ZNRF3: variants seen among roughly 807,000 people sequenced by gnomAD.
The protein encoded by ZNRF3 is zinc and ring finger 3, also known as E3 ubiquitin-protein ligase ZNRF3.
A neutral mutation model predicts 72.5 loss-of-function variants in ZNRF3; 23 were observed. The ratio of observed to expected loss-of-function variants is 0.32; its 90% confidence interval spans 0.23 to 0.45. The LOEUF is 0.45. Ranked by LOEUF, ZNRF3 falls within the 20% of genes least tolerant of loss-of-function variation. The pLI is 1.00. For synonymous variants in ZNRF3, 610 were observed against 545.3 expected (o/e 1.12, Z -1.65); for missense variants, 1,169 against 1,272.1 (o/e 0.92, Z 1.23).
At chr22:28,921,079 G>A (rs2034503667) in intron 1 of ZNRF3, among the ~76,000 whole-genome samples, 1 of 152,208 alleles carries the variant, frequency 6.6e-6, no homozygotes. Context: ...GAGTAGGAGG[G>A]CTGTCATTTG....
intron 1 of ZNRF3, among the ~76,000 whole-genome samples, chr22:28,927,928 G>A (rs540182926): frequency 1.1e-4 from 17 of 152,314 alleles, no homozygotes; most frequent in South Asian, 4.1e-4. Flanking sequence ...AGCTACCTGG[G>A]TAGTGGATCT....
chr22:29,005,375 G>T (rs1197934432), intron 2 of ZNRF3, among the ~76,000 whole-genome samples: 1 of 152,222 alleles, frequency 6.6e-6, no homozygotes, highest in Non-Finnish European at 1.5e-5. Context: ...ATGAGATATA[G>T]AGCTTATAGA....
At chr22:28,920,337 CTT>C (rs59617958) in intron 1 of ZNRF3, among the ~76,000 whole-genome samples, 9,893 of 151,784 alleles carry the variant, frequency 0.065, 411 homozygotes, top group South Asian at 0.11. Flanking sequence ...GTGGGGCAAT[CTT>C]GGCTCACTGC....
intron 1 of ZNRF3, among the ~76,000 whole-genome samples, chr22:28,917,682 AAAG>A (rs1367007776): frequency 1.3e-5 from 2 of 152,156 alleles, no homozygotes; most frequent in Admixed American, 1.3e-4. Context: ...AAAAAGAAAA[AAAG>A]CTTTTAAAAA....
chr22:28,945,186 A>T (rs114127504), intron 1 of ZNRF3, among the ~76,000 whole-genome samples: 343 of 151,706 alleles, frequency 2.3e-3, no homozygotes, highest in African/African-American at 7.7e-3. Flanking sequence ...GTATCTCAAG[A>T]CTTACAGGTA....
chr22:29,036,931 G>A (rs1405146822), intron 2 of ZNRF3, among the ~76,000 whole-genome samples: 1 of 152,154 alleles, frequency 6.6e-6, no homozygotes. Flanking sequence ...AAAAAATTCT[G>A]TTTGGGGCTC....
chr22:28,968,640 C>T (rs924593598), intron 1 of ZNRF3, among the ~76,000 whole-genome samples: 16 of 152,116 alleles, frequency 1.1e-4, no homozygotes, highest in Non-Finnish European at 2.2e-4. Flanking sequence ...ACCCGGGAGG[C>T]GGAGGTTGCC....
At chr22:28,914,392 G>A (rs1373689456) in intron 1 of ZNRF3, among the ~76,000 whole-genome samples, 1 of 152,118 alleles carries the variant, frequency 6.6e-6, no homozygotes, top group Non-Finnish European at 1.5e-5. Context: ...TGACATAAGC[G>A]GGGCTGAGAT....
chr22:29,034,669 T>G (rs1296500291), intron 2 of ZNRF3, among the ~76,000 whole-genome samples: 1 of 152,206 alleles, frequency 6.6e-6, no homozygotes, highest in Non-Finnish European at 1.5e-5. Flanking sequence ...TAGATGCACT[T>G]TGGGAAAGGC....
intron 1 of ZNRF3, among the ~76,000 whole-genome samples, chr22:28,982,433 C>CAAAAA (rs61589852): frequency 3.0e-4 from 23 of 76,450 alleles, no homozygotes; most frequent in South Asian, 7.9e-4. Flanking sequence ...CCTGTCTCTA[C>CAAAAA]AAAAAAAAAA....
intron 1 of ZNRF3, among the ~76,000 whole-genome samples, chr22:28,911,280 A>T (rs1358883536): frequency 1.3e-5 from 2 of 152,186 alleles, no homozygotes; most frequent in East Asian, 1.9e-4. Flanking sequence ...AGAAAAGGGT[A>T]TGTGACTTTT....
chr22:28,955,046 G>GTTT (rs11413865), intron 1 of ZNRF3, among the ~76,000 whole-genome samples: 2 of 98,250 alleles, frequency 2.0e-5, no homozygotes, highest in African/African-American at 3.6e-5. Context: ...TTTTTTTTTT[G>GTTT]TTTTTTTTTT....
intron 2 of ZNRF3, among the ~76,000 whole-genome samples, chr22:29,012,541 A>G (rs1357893183): frequency 6.6e-6 from 1 of 152,222 alleles, no homozygotes; most frequent in Non-Finnish European, 1.5e-5. Context: ...CAAAGTATCA[A>G]GCTGGTCAGT....
At chr22:28,910,437 C>T (rs1291245397) in intron 1 of ZNRF3, among the ~76,000 whole-genome samples, 1 of 152,202 alleles carries the variant, frequency 6.6e-6, no homozygotes, top group Non-Finnish European at 1.5e-5. Context: ...TTGGCCTCTT[C>T]ATGATGGTCC....
intron 2 of ZNRF3, among the ~76,000 whole-genome samples, chr22:29,037,108 G>A (rs770821949): frequency 3.3e-5 from 5 of 152,144 alleles, no homozygotes; most frequent in Non-Finnish European, 5.9e-5. Context: ...AAGTTTTCCC[G>A]CAATAAAGGG....
intron 2 of ZNRF3, among the ~76,000 whole-genome samples, chr22:29,036,758 T>TA (rs1243484170): frequency 6.6e-6 from 1 of 152,206 alleles, no homozygotes; most frequent in Non-Finnish European, 1.5e-5. Flanking sequence ...TAGTATTAAT[T>TA]ATAATTTTAA....
At chr22:29,002,459 A>T (rs114293018) in intron 2 of ZNRF3, among the ~76,000 whole-genome samples, 3,813 of 152,312 alleles carry the variant, frequency 0.025, 73 homozygotes, top group African/African-American at 0.057. Context: ...TGTAGAAAGG[A>T]TGTAGGCAAG....
chr22:29,047,441 C>T (rs550378066), intron 6 of ZNRF3, among the ~76,000 whole-genome samples: 3 of 152,280 alleles, frequency 2.0e-5, no homozygotes, highest in Admixed American at 1.3e-4. Context: ...ACATTTGATG[C>T]GCCTTTGTTG....
intron 2 of ZNRF3, among the ~76,000 whole-genome samples, chr22:29,009,266 T>G (rs549004969): frequency 6.6e-6 from 1 of 151,834 alleles, no homozygotes; most frequent in Non-Finnish European, 1.5e-5. Context: ...ATTCCAGCAG[T>G]GGGGCTGGCA....
Sources: gnomAD v4.1 joint callset for allele counts (sites outside exome capture counted in the v4.1 genomes callset) on GRCh38, gnomAD v4.1.1 for gene constraint, MANE v1.5 for transcripts, NCBI Gene and HGNC (gene_info 2026-07-23, HGNC 2026-07-21) for gene names.